The following OLFM3 variants were observed in gnomAD, a reference collection of about 807,000 sequenced individuals.
OLFM3 encodes the protein olfactomedin 3, also known as noelin-3.
OLFM3 carries 20 observed loss-of-function variants against 48.6 expected under a neutral mutation model. That is an observed-to-expected ratio of 0.41 (90% CI 0.29 to 0.60). The LOEUF is 0.60. Ranked by LOEUF, OLFM3 falls within the 20% of genes least tolerant of loss-of-function variation. OLFM3 has a pLI of 0.28. For synonymous variants in OLFM3, 222 were observed against 198.1 expected, an observed-to-expected ratio of 1.12 and a Z score of -1.01; for missense variants, 437 against 544.3, an observed-to-expected ratio of 0.80 and a Z score of 1.96.
intron 4 of OLFM3, 98 bp from the exon 5 acceptor site, chr1:101,806,280 G>T: frequency 1.2e-6 from 1 of 830,298 alleles, no homozygotes; most frequent in Non-Finnish European, 2.0e-6. Context: ...ATAAAACTAA[G>T]CCAATCCATG....
chr1:101,901,540 C>CT (rs1658386393), intron 1 of OLFM3, among the ~76,000 whole-genome samples: 1 of 152,004 alleles, frequency 6.6e-6, no homozygotes, highest in Admixed American at 6.6e-5. Flanking sequence ...ACAGGGGACA[C>CT]TGTCAGCAAA....
chr1:101,908,447 G>A (rs891662816), intron 1 of OLFM3, among the ~76,000 whole-genome samples: 1 of 152,088 alleles, frequency 6.6e-6, no homozygotes, highest in African/African-American at 2.4e-5. Context: ...AGGTGTAGAC[G>A]GAAAAACTAG....
intron 1 of OLFM3, among the ~76,000 whole-genome samples, chr1:101,971,132 T>A (rs913689683): frequency 6.6e-6 from 1 of 152,200 alleles, no homozygotes; most frequent in African/African-American, 2.4e-5. Context: ...GCAGTGCTGA[T>A]GGCCAGGTAT....
At chr1:101,833,463 C>T (rs759693803) in intron 2 of OLFM3, among the ~76,000 whole-genome samples, 13 of 152,126 alleles carry the variant, frequency 8.5e-5, no homozygotes, top group East Asian at 1.9e-4. Context: ...ATACCCATGA[C>T]GACATGAGTA....
At chr1:101,846,914 G>A (rs780857894) in intron 1 of OLFM3, 5 of 1,612,794 alleles carry the variant, frequency 3.1e-6, no homozygotes, top group South Asian at 1.1e-5. Flanking sequence ...GGGACATCCA[G>A]TTTGAGATCA....
chr1:101,873,429 T>C (rs1410647655), intron 1 of OLFM3, among the ~76,000 whole-genome samples: 1 of 151,878 alleles, frequency 6.6e-6, no homozygotes, highest in Non-Finnish European at 1.5e-5. Flanking sequence ...CAAGCTTTTA[T>C]ATTAAAAATA....
intron 1 of OLFM3, chr1:101,893,339 CAGCAA>C: frequency 2.6e-6 from 1 of 380,008 alleles, no homozygotes; most frequent in East Asian, 7.5e-5. Flanking sequence ...CGGAATAGCT[CAGCAA>C]ATTCAAGCTG....
chr1:101,841,917 T>C (rs1008563282), intron 1 of OLFM3, among the ~76,000 whole-genome samples: 5 of 152,206 alleles, frequency 3.3e-5, no homozygotes, highest in Non-Finnish European at 7.3e-5. Context: ...GAAAAATCCC[T>C]GATAAATTTT....
intron 1 of OLFM3, among the ~76,000 whole-genome samples, chr1:101,906,617 G>T (rs958654021): frequency 6.6e-6 from 1 of 152,016 alleles, no homozygotes; most frequent in Non-Finnish European, 1.5e-5. Flanking sequence ...TAAAACCATG[G>T]AAGAACCTAA....
intron 1 of OLFM3, among the ~76,000 whole-genome samples, chr1:101,974,782 G>T (rs1660903965): frequency 6.6e-6 from 1 of 151,792 alleles, no homozygotes; most frequent in Non-Finnish European, 1.5e-5. Flanking sequence ...TTTTTTGTTT[G>T]GTCCTGGGTT....
In OLFM3 at chr1:101,827,958, T is replaced by C. The variant is rs149338650; in HGVS notation, c.373-2713A>G. 4.6e-4 allele frequency among the ~76,000 whole-genome samples: 70 copies of C among 152,224 alleles called. No homozygotes were observed. In the East Asian group the frequency reaches 0.013, roughly 28 times the overall value. On this transcript the variant is annotated intron_variant, in intron 3 of 5. Transcript: ENST00000370103. ...TCCCCCATGCTGTTCTGATACTGAG[T>C]GAGTTCTCATGAGAGCTGATGGTTT...
intron 1 of OLFM3, among the ~76,000 whole-genome samples, chr1:101,858,984 T>C (rs1310119802): frequency 2.0e-5 from 3 of 152,032 alleles, no homozygotes; most frequent in African/African-American, 7.3e-5. Context: ...TTCAATAAAT[T>C]TCCCAAGAAA....
At chr1:101,875,977 A>T (rs766926635) in intron 1 of OLFM3, among the ~76,000 whole-genome samples, 1 of 152,066 alleles carries the variant, frequency 6.6e-6, no homozygotes, top group Non-Finnish European at 1.5e-5. Flanking sequence ...TGGCTTGCTC[A>T]TGCTAAAAGA....
chr1:101,870,201 A>G (rs1402991670), intron 1 of OLFM3, among the ~76,000 whole-genome samples: 1 of 152,092 alleles, frequency 6.6e-6, no homozygotes, highest in Non-Finnish European at 1.5e-5. Context: ...CCTTCCCCCT[A>G]TAATGTGGAT....
At chr1:101,836,634 G>T (rs72650203) in intron 2 of OLFM3, among the ~76,000 whole-genome samples, 6,897 of 150,012 alleles carry the variant, frequency 0.046, 429 homozygotes, top group East Asian at 0.3. Flanking sequence ...TAGAGATTAA[G>T]ATATATGGTA....
chr1:101,954,446 T>C (rs1004778997), intron 1 of OLFM3, among the ~76,000 whole-genome samples: 5 of 152,090 alleles, frequency 3.3e-5, no homozygotes, highest in Non-Finnish European at 7.4e-5. Context: ...TTTCATTCTA[T>C]TTCTAGAAAC....
intron 4 of OLFM3, among the ~76,000 whole-genome samples, chr1:101,807,247 G>A (rs565203425): frequency 6.6e-6 from 1 of 151,712 alleles, no homozygotes; most frequent in South Asian, 2.1e-4. Flanking sequence ...ATTTAGAAGT[G>A]ATTTATTAAT....
chr1:101,989,389 C>G (rs1661336301), intron 1 of OLFM3, among the ~76,000 whole-genome samples: 1 of 151,970 alleles, frequency 6.6e-6, no homozygotes, highest in Admixed American at 6.5e-5. Context: ...ATTGAAATTA[C>G]CTGGCACTGT....
chr1:101,846,873 G>T (rs766665047), intron 1 of OLFM3: 8 of 1,612,404 alleles, frequency 5.0e-6, no homozygotes, highest in Non-Finnish European at 6.8e-6. Flanking sequence ...CAGCCTCGTG[G>T]TGTTCAGTCC....
Sources: allele counts gnomAD v4.1 joint callset (sites outside exome capture counted in the v4.1 genomes callset), GRCh38; gene constraint gnomAD v4.1.1; transcripts MANE v1.5; gene names NCBI Gene and HGNC (gene_info 2026-07-23, HGNC 2026-07-21).